The following TMEM132B variants were observed in gnomAD, a reference collection of about 807,000 sequenced individuals.
TMEM132B encodes transmembrane protein 132B.
In TMEM132B, 18 loss-of-function variants were observed where a neutral mutation model predicts 90.8. The ratio of observed to expected loss-of-function variants is 0.20; its 90% CI spans 0.14 to 0.29. The LOEUF is 0.29. TMEM132B is among the 10% of genes least tolerant of loss of function. The pLI, the probability that TMEM132B is intolerant of heterozygous loss-of-function variation, is 1.00. For synonymous variants in TMEM132B, 504 were observed against 523.3 expected, an observed-to-expected ratio of 0.96 and a Z score of 0.50; for missense variants, 1,096 against 1,326.8, an observed-to-expected ratio of 0.83 and a Z score of 2.70.
intron 3 of TMEM132B, among the ~76,000 whole-genome samples, chr12:125,438,528 T>C (rs142094251): frequency 6.6e-6 from 1 of 152,358 alleles, no homozygotes; most frequent in Admixed American, 6.5e-5. Flanking sequence ...TCAAGCATAC[T>C]TAAAACTGTA....
At position 125,650,970 on chromosome 12, in the gene TMEM132B, C is replaced by T; in HGVS notation, c.1914+17C>T. On this transcript the variant is annotated intron_variant, in intron 7 of 8. Coordinates refer to ENST00000682704, the MANE Select transcript of TMEM132B (RefSeq NM_001366854.1). The stretch of plus-strand genomic sequence containing the variant: ...ACGGTGCAGGTACACGCCGCCATGC[C>T]TTGCCCAACAGCAGTCTGTGTTGAT... The T allele has an allele frequency of 6.2e-7, 1 of 1,611,094 alleles. No homozygotes were observed. Among genetic ancestry groups the T allele is most frequent in the Non-Finnish European group, 8.5e-7 (1 of 1,179,254 alleles).
At chr12:125,332,826 G>A (rs557872737) in intron 1 of TMEM132B, among the ~76,000 whole-genome samples, 65 of 151,634 alleles carry the variant, frequency 4.3e-4, no homozygotes, top group African/African-American at 1.4e-3. Flanking sequence ...GTTACTTTGT[G>A]TGTTGGAAAA....
At chr12:125,526,760 G>A (rs944411823) in intron 4 of TMEM132B, among the ~76,000 whole-genome samples, 1 of 150,290 alleles carries the variant, frequency 6.7e-6, no homozygotes, top group Non-Finnish European at 1.5e-5. Flanking sequence ...GGACACCAGG[G>A]TGGGGGCTGA....
chr12:125,567,520 C>G (rs555618554), intron 4 of TMEM132B, among the ~76,000 whole-genome samples: 1 of 152,292 alleles, frequency 6.6e-6, no homozygotes, highest in East Asian at 1.9e-4. Context: ...AACGGAGCCT[C>G]CAGCCAAGGC....
intron 1 of TMEM132B, among the ~76,000 whole-genome samples, chr12:125,212,052 G>A (rs1178260262): frequency 6.6e-6 from 1 of 152,222 alleles, no homozygotes; most frequent in African/African-American, 2.4e-5. Context: ...GACCATGGCA[G>A]CCTTCTGCCA....
chr12:125,608,424 T>C (rs1385395267), intron 5 of TMEM132B, among the ~76,000 whole-genome samples: 1 of 152,184 alleles, frequency 6.6e-6, no homozygotes, highest in African/African-American at 2.4e-5. Flanking sequence ...TTGAATTATC[T>C]TTTCATTTCT....
intron 4 of TMEM132B, among the ~76,000 whole-genome samples, chr12:125,564,278 C>T (rs1236572760): frequency 3.3e-5 from 5 of 152,134 alleles, no homozygotes; most frequent in East Asian, 1.9e-4. Flanking sequence ...ATTAAGGAAA[C>T]GATGTTGAAT....
intron 1 of TMEM132B, among the ~76,000 whole-genome samples, chr12:125,339,740 A>G (rs558213159): frequency 1.9e-4 from 29 of 152,276 alleles, no homozygotes; most frequent in Middle Eastern, 6.8e-3. Context: ...CACGCTGAGA[A>G]CGCAGTGCAA....
At chr12:125,196,886 T>C (rs1872937386) in intron 1 of TMEM132B, among the ~76,000 whole-genome samples, 1 of 152,196 alleles carries the variant, frequency 6.6e-6, no homozygotes, top group South Asian at 2.1e-4. Context: ...TCAGTTATGC[T>C]GCTTGCCCCA....
intron 3 of TMEM132B, among the ~76,000 whole-genome samples, chr12:125,420,208 G>A (rs939169315): frequency 6.6e-6 from 1 of 152,216 alleles, no homozygotes; most frequent in Non-Finnish European, 1.5e-5. Flanking sequence ...ACTCTGTGTG[G>A]GGGCTTCCAT....
chr12:125,259,252 A>G (rs938367396), intron 1 of TMEM132B, among the ~76,000 whole-genome samples: 1 of 152,150 alleles, frequency 6.6e-6, no homozygotes, highest in Non-Finnish European at 1.5e-5. Context: ...TGAGAACAGG[A>G]ACTTTGTCTT....
chr12:125,225,372 C>T (rs1873655173), intron 1 of TMEM132B, among the ~76,000 whole-genome samples: 1 of 152,206 alleles, frequency 6.6e-6, no homozygotes, highest in Admixed American at 6.5e-5. Context: ...GATAGCAGAG[C>T]ATTAAGTCAA....
chr12:125,206,883 T>C (rs1045070154), intron 1 of TMEM132B, among the ~76,000 whole-genome samples: 49 of 152,250 alleles, frequency 3.2e-4, no homozygotes, highest in Non-Finnish European at 1.2e-4. Context: ...GTTTCTGTGC[T>C]GAGCACATAT....
chr12:125,424,712 G>A (rs1298043485), intron 3 of TMEM132B, among the ~76,000 whole-genome samples: 1 of 152,158 alleles, frequency 6.6e-6, no homozygotes, highest in African/African-American at 2.4e-5. Context: ...AGTGGCTGAC[G>A]CTAGTTAAAG....
chr12:125,398,871 C>T (rs1269903863), intron 2 of TMEM132B, among the ~76,000 whole-genome samples: 1 of 152,162 alleles, frequency 6.6e-6, no homozygotes, highest in East Asian at 1.9e-4. Context: ...CAGGCTGCAG[C>T]CCAGGTGTTG....
At chr12:125,421,863 T>C (rs919279646) in intron 3 of TMEM132B, among the ~76,000 whole-genome samples, 2 of 152,266 alleles carry the variant, frequency 1.3e-5, no homozygotes, top group Non-Finnish European at 2.9e-5. Flanking sequence ...TTTTTCATTG[T>C]GCTGAAGGAT....
At chr12:125,267,929 T>C (rs1874734700) in intron 1 of TMEM132B, among the ~76,000 whole-genome samples, 1 of 152,054 alleles carries the variant, frequency 6.6e-6, no homozygotes, top group Admixed American at 6.6e-5. Flanking sequence ...GGACCTTTGG[T>C]TGGTGCTCTC....
At chr12:125,626,675 A>G (rs943827509) in intron 5 of TMEM132B, among the ~76,000 whole-genome samples, 2 of 151,858 alleles carry the variant, frequency 1.3e-5, no homozygotes, top group Non-Finnish European at 2.9e-5. Flanking sequence ...ATTGTTATCC[A>G]TCTTCTTCTG....
chr12:125,282,314 C>T (rs1020603085), intron 1 of TMEM132B, among the ~76,000 whole-genome samples: 2 of 152,128 alleles, frequency 1.3e-5, no homozygotes, highest in East Asian at 1.9e-4. Flanking sequence ...CCGCCTTCCC[C>T]GGCCTGGGAC....
Sources: allele counts gnomAD v4.1 joint callset (sites outside exome capture counted in the v4.1 genomes callset), GRCh38; gene constraint gnomAD v4.1.1; transcripts MANE v1.5; gene names NCBI Gene and HGNC (gene_info 2026-07-23, HGNC 2026-07-21).